CNTN5: variants seen among roughly 807,000 people sequenced by gnomAD.
CNTN5 encodes contactin-5.
CNTN5 carries 77 observed loss-of-function variants against 129.1 expected under a neutral mutation model. That is an observed-to-expected ratio of 0.60 (90% CI 0.50 to 0.72). The LOEUF (loss-of-function observed/expected upper bound fraction) is 0.72. Among genes scored for constraint, CNTN5 ranks in the 30% least tolerant of loss-of-function variants. The pLI is 0.00. For missense variants in CNTN5, 1,478 were observed against 1,328.8 expected, an observed-to-expected ratio of 1.11 and a Z score of -1.75; for synonymous variants, 509 against 465.6, an observed-to-expected ratio of 1.09 and a Z score of -1.20.
chr11:99,075,923 A>G (rs1325549886), intron 1 of CNTN5, among the ~76,000 whole-genome samples: 1 of 152,226 alleles, frequency 6.6e-6, no homozygotes, highest in Non-Finnish European at 1.5e-5. Context: ...AACTCTTGCT[A>G]TGACTTTATA....
At chr11:99,618,541 C>A (rs1950829715) in intron 3 of CNTN5, among the ~76,000 whole-genome samples, 1 of 152,130 alleles carries the variant, frequency 6.6e-6, no homozygotes, top group Non-Finnish European at 1.5e-5. Flanking sequence ...AAATTGGTAT[C>A]CTAAGAATTT....
At chr11:100,253,481 T>TC (rs1950010529) in intron 16 of CNTN5, among the ~76,000 whole-genome samples, 1 of 152,130 alleles carries the variant, frequency 6.6e-6, no homozygotes, top group Non-Finnish European at 1.5e-5. Context: ...AATGCCCACC[T>TC]CCCAGTGACG....
intron 2 of CNTN5, among the ~76,000 whole-genome samples, chr11:99,447,192 C>T (rs1944105897): frequency 6.6e-6 from 1 of 152,158 alleles, no homozygotes; most frequent in Non-Finnish European, 1.5e-5. Context: ...ATAATTATAT[C>T]TACCTCAGAG....
chr11:99,081,832 A>G (rs1865813509), intron 1 of CNTN5, among the ~76,000 whole-genome samples: 1 of 152,196 alleles, frequency 6.6e-6, no homozygotes. Flanking sequence ...ATCAATTATT[A>G]AGAAGGAATT....
intron 3 of CNTN5, among the ~76,000 whole-genome samples, chr11:99,772,084 T>C (rs539310231): frequency 7.0e-6 from 1 of 143,698 alleles, no homozygotes. Context: ...TTTTTTTTTT[T>C]ATCAACAATG....
At chr11:99,914,644 C>G (rs1318218829) in intron 6 of CNTN5, among the ~76,000 whole-genome samples, 1 of 151,964 alleles carries the variant, frequency 6.6e-6, no homozygotes, top group African/African-American at 2.4e-5. Context: ...TGCTCTTTTT[C>G]TTTTGTCCTG....
intron 2 of CNTN5, among the ~76,000 whole-genome samples, chr11:99,522,365 A>T (rs902747592): frequency 1.3e-5 from 2 of 152,202 alleles, no homozygotes; most frequent in Admixed American, 6.5e-5. Flanking sequence ...ATCTAATTTG[A>T]AGTATCAGGA....
At chr11:99,671,098 C>T (rs149401437) in intron 3 of CNTN5, among the ~76,000 whole-genome samples, 1 of 150,728 alleles carries the variant, frequency 6.6e-6, no homozygotes, top group Non-Finnish European at 1.5e-5. Context: ...AGTTCTCTCG[C>T]TCGCTCGCTC....
intron 9 of CNTN5, among the ~76,000 whole-genome samples, chr11:100,050,585 C>A (rs979079719): frequency 1.3e-5 from 2 of 151,560 alleles, no homozygotes; most frequent in Non-Finnish European, 1.5e-5. Flanking sequence ...TGTAACTAAC[C>A]TGCACATTGT....
At chr11:99,639,265 A>G (rs917893319) in intron 3 of CNTN5, among the ~76,000 whole-genome samples, 1 of 152,114 alleles carries the variant, frequency 6.6e-6, no homozygotes, top group African/African-American at 2.4e-5. Flanking sequence ...CACACAACAC[A>G]GAGACCCTGG....
chr11:99,628,776 G>C (rs669596), intron 3 of CNTN5, among the ~76,000 whole-genome samples: 92,723 of 151,434 alleles, frequency 0.61, 29,273 homozygotes, highest in Admixed American at 0.74. Context: ...ACTTCTGTTT[G>C]ATTTTTTTCC....
chr11:99,353,365 C>T (rs1938430038), intron 2 of CNTN5, among the ~76,000 whole-genome samples: 1 of 152,128 alleles, frequency 6.6e-6, no homozygotes, highest in Non-Finnish European at 1.5e-5. Flanking sequence ...TAGAATGACA[C>T]AGGGAATTCT....
At chr11:100,172,303 TA>T (rs1057356837) in intron 13 of CNTN5, among the ~76,000 whole-genome samples, 33 of 152,014 alleles carry the variant, frequency 2.2e-4, no homozygotes, top group African/African-American at 7.2e-4. Flanking sequence ...TTAATTACAT[TA>T]AAAAAAGTGA....
At chr11:100,075,425 C>A (rs773059576) in intron 13 of CNTN5, among the ~76,000 whole-genome samples, 9 of 152,034 alleles carry the variant, frequency 5.9e-5, no homozygotes, top group Non-Finnish European at 1.0e-4. Flanking sequence ...GACAGGCTAA[C>A]AAGAGAAAAA....
intron 13 of CNTN5, among the ~76,000 whole-genome samples, chr11:100,143,152 A>G (rs1474459409): frequency 2.0e-5 from 3 of 152,182 alleles, no homozygotes; most frequent in African/African-American, 4.8e-5. Context: ...CTCAACTTGA[A>G]CATACAATGT....
intron 13 of CNTN5, among the ~76,000 whole-genome samples, chr11:100,119,922 C>T (rs1257420071): frequency 6.6e-6 from 1 of 151,778 alleles, no homozygotes; most frequent in Non-Finnish European, 1.5e-5. Flanking sequence ...TTAACACTTC[C>T]GTGCCTTTCT....
At chr11:99,280,724 T>A (rs1863656689) in intron 1 of CNTN5, among the ~76,000 whole-genome samples, 1 of 151,850 alleles carries the variant, frequency 6.6e-6, no homozygotes, top group Non-Finnish European at 1.5e-5. Flanking sequence ...AGACTTTTCA[T>A]ATATATGAAC....
At chr11:99,710,155 G>A (rs1307996210) in intron 3 of CNTN5, among the ~76,000 whole-genome samples, 4 of 151,734 alleles carry the variant, frequency 2.6e-5, no homozygotes, top group Non-Finnish European at 4.4e-5. Context: ...CTTCCCAGTC[G>A]ATACGGTTCC....
chr11:99,126,468 C>A (rs1476306581), intron 1 of CNTN5, among the ~76,000 whole-genome samples: 1 of 152,138 alleles, frequency 6.6e-6, no homozygotes, highest in Non-Finnish European at 1.5e-5. Context: ...CTCTGTTCAG[C>A]CTTCTCCTGA....
Sources: allele counts gnomAD v4.1 joint callset (sites outside exome capture counted in the v4.1 genomes callset), GRCh38; gene constraint gnomAD v4.1.1; transcripts MANE v1.5; gene names NCBI Gene and HGNC (gene_info 2026-07-23, HGNC 2026-07-21).